Variants in CAST observed in about 807,000 individuals in gnomAD.
The protein encoded by CAST is calpastatin, also known as MIR583 host.
In CAST, 76 loss-of-function variants were observed where a neutral mutation model predicts 119.6. The observed-to-expected ratio is 0.64, with a 90% CI of 0.53 to 0.77. CAST has a LOEUF of 0.77. Among genes scored for constraint, CAST ranks in the 30% least tolerant of loss-of-function variants. CAST has a pLI of 0.00. For synonymous variants in CAST, 319 were observed against 331.6 expected, an observed-to-expected ratio of 0.96 and a Z score of 0.41; for missense variants, 953 against 946.5, an observed-to-expected ratio of 1.01 and a Z score of -0.09.
the CAST span, among the ~76,000 whole-genome samples, chr5:96,208,797 G>A: frequency 6.6e-6 from 1 of 151,838 alleles, no homozygotes; most frequent in Non-Finnish European, 1.5e-5. Flanking sequence ...TGTATGTTCT[G>A]CTCTTTTGGG....
chr5:96,700,250 G>A (rs188493278), intron 3 of CAST, among the ~76,000 whole-genome samples: 1 of 152,246 alleles, frequency 6.6e-6, no homozygotes, highest in African/African-American at 2.4e-5. Context: ...ATTTTAATGT[G>A]CTATAAAAAG....
chr5:96,195,551 A>C, the CAST span, among the ~76,000 whole-genome samples: 1 of 152,226 alleles, frequency 6.6e-6, no homozygotes, highest in Non-Finnish European at 1.5e-5. Context: ...TTGTCATGGC[A>C]TCAATATTTG....
chr5:96,194,380 A>G, the CAST span, among the ~76,000 whole-genome samples: 1 of 152,180 alleles, frequency 6.6e-6, no homozygotes, highest in African/African-American at 2.4e-5. Flanking sequence ...AAAACAGGTG[A>G]TTTTAATGAT....
chr5:96,069,748 G>A, the CAST span, among the ~76,000 whole-genome samples: 2 of 136,190 alleles, frequency 1.5e-5, no homozygotes, highest in Non-Finnish European at 3.0e-5. Context: ...CAATCCTCCT[G>A]CCTTCACTTC....
the CAST span, among the ~76,000 whole-genome samples, chr5:96,017,249 G>A: frequency 6.6e-6 from 1 of 152,168 alleles, no homozygotes; most frequent in South Asian, 2.1e-4. Context: ...AGGAACATGT[G>A]ACTTACTATA....
chr5:96,763,898 G>T (rs1490190455), intron 25 of CAST, among the ~76,000 whole-genome samples: 1 of 151,708 alleles, frequency 6.6e-6, no homozygotes, highest in East Asian at 1.9e-4. Context: ...CAAGACCTGG[G>T]TTCTATTCAC....
intron 1 of CAST, among the ~76,000 whole-genome samples, chr5:96,608,924 C>T (rs1440403272): frequency 6.6e-6 from 1 of 152,086 alleles, no homozygotes; most frequent in Non-Finnish European, 1.5e-5. Context: ...AAAATCCACC[C>T]CCATGATCTA....
At chr5:96,177,149 C>G in the CAST span, among the ~76,000 whole-genome samples, 1 of 152,064 alleles carries the variant, frequency 6.6e-6, no homozygotes, top group East Asian at 1.9e-4. Context: ...ATTAAAAAAT[C>G]TACTCTGCAC....
At chr5:96,152,726 A>G in the CAST span, among the ~76,000 whole-genome samples, 1 of 152,210 alleles carries the variant, frequency 6.6e-6, no homozygotes, top group Non-Finnish European at 1.5e-5. Flanking sequence ...CATGCTCAAC[A>G]AAGAGACTGC....
At chr5:96,735,518 TA>T (rs1214602412) in intron 9 of CAST, among the ~76,000 whole-genome samples, 2 of 151,996 alleles carry the variant, frequency 1.3e-5, no homozygotes, top group African/African-American at 4.8e-5. Flanking sequence ...GGGACCAAAG[TA>T]AAAGAGATGC....
the CAST span, among the ~76,000 whole-genome samples, chr5:95,970,847 G>A: frequency 1.3e-5 from 2 of 152,146 alleles, no homozygotes; most frequent in Non-Finnish European, 2.9e-5. Context: ...TAATTTAAAA[G>A]CATCAAGTAT....
chr5:96,667,738 G>A (rs1343240091), intron 1 of CAST, among the ~76,000 whole-genome samples: 1 of 136 alleles, frequency 7.4e-3, no homozygotes, highest in Admixed American at 0.12. Flanking sequence ...ATGAGGCTGG[G>A]TGCGGTTGGC....
chr5:96,566,154 CAGAG>C (rs536962512), intron 1 of CAST, among the ~76,000 whole-genome samples: 2 of 152,154 alleles, frequency 1.3e-5, no homozygotes, highest in Non-Finnish European at 2.9e-5. Context: ...GTGGGAATGA[CAGAG>C]AGAAAAGGTT....
At chr5:96,225,233 T>C in the CAST span, among the ~76,000 whole-genome samples, 1 of 152,230 alleles carries the variant, frequency 6.6e-6, no homozygotes, top group Non-Finnish European at 1.5e-5. Flanking sequence ...TTTTTTTCCT[T>C]CCTTTCCTTC....
At chr5:96,453,784 T>C in the CAST span, among the ~76,000 whole-genome samples, 20 of 152,226 alleles carry the variant, frequency 1.3e-4, no homozygotes, top group South Asian at 4.1e-4. Flanking sequence ...TGGCATCAAG[T>C]AAAAATCTTA....
chr5:96,673,728 A>T lies in CAST; in HGVS notation c.76-1811A>T, dbSNP rs1363773003. ...TCTGGCTTTTAGAAATCTTTTGCTC[A>T]TCAATTATTCTAATATTTATCAATT... On this transcript the variant is annotated intron_variant, in intron 1 of 31. Transcript: ENST00000675179. 2.6e-5 allele frequency among the ~76,000 whole-genome samples: 4 copies of T among 152,380 alleles called. No homozygotes were observed. In the South Asian group the frequency reaches 8.3e-4, roughly 32 times the overall value.
the CAST span, among the ~76,000 whole-genome samples, chr5:96,403,829 T>A: frequency 6.6e-6 from 1 of 152,224 alleles, no homozygotes; most frequent in East Asian, 1.9e-4. Context: ...AAGTCAAGAC[T>A]TTTTTGTTGT....
the CAST span, among the ~76,000 whole-genome samples, chr5:96,315,672 T>C: frequency 1.3e-5 from 2 of 152,240 alleles, no homozygotes; most frequent in Non-Finnish European, 2.9e-5. Context: ...TGCCTTCCCT[T>C]TGAATGTGGA....
intron 4 of CAST, among the ~76,000 whole-genome samples, chr5:96,724,293 A>G (rs982209758): frequency 1.3e-5 from 2 of 151,874 alleles, no homozygotes; most frequent in African/African-American, 4.8e-5. Flanking sequence ...TGATCCTCCT[A>G]CCTCAGTCTC....
Sources: gnomAD v4.1 joint callset for allele counts (sites outside exome capture counted in the v4.1 genomes callset) on GRCh38, gnomAD v4.1.1 for gene constraint, MANE v1.5 for transcripts, NCBI Gene and HGNC (gene_info 2026-07-23, HGNC 2026-07-21) for gene names.